GRM5: variants seen among roughly 807,000 people sequenced by gnomAD.
GRM5 encodes the protein glutamate metabotropic receptor 5, also known as metabotropic glutamate receptor 5.
In GRM5, 19 loss-of-function variants were observed where a neutral mutation model predicts 83.1. The ratio of observed to expected loss-of-function variants is 0.23; its 90% CI spans 0.16 to 0.34. GRM5 has a LOEUF of 0.34. Among genes scored for constraint, GRM5 ranks in the 10% least tolerant of loss-of-function variants. GRM5 has a pLI of 1.00. For synonymous variants in GRM5, 675 were observed against 633.6 expected, an observed-to-expected ratio of 1.07 and a Z score of -0.98; for missense variants, 1,160 against 1,588.3, an observed-to-expected ratio of 0.73 and a Z score of 4.58.
At chr11:88,984,847 A>G (rs1221809038) in intron 2 of GRM5, 1 of 722,590 alleles carries the variant, frequency 1.4e-6, no homozygotes, top group South Asian at 1.5e-5. Flanking sequence ...CATTCCATCT[A>G]ATTTCTTCAA....
At chr11:88,586,764 C>T (rs1237428715) in intron 7 of GRM5, among the ~76,000 whole-genome samples, 1 of 152,114 alleles carries the variant, frequency 6.6e-6, no homozygotes, top group East Asian at 1.9e-4. Flanking sequence ...AATATCAATG[C>T]AAAGGCATTT....
intron 7 of GRM5, among the ~76,000 whole-genome samples, chr11:88,579,084 T>C (rs1943173516): frequency 6.6e-6 from 1 of 152,142 alleles, no homozygotes; most frequent in African/African-American, 2.4e-5. Context: ...AAAATGGAAA[T>C]CATGATTCCA....
At chr11:88,851,271 T>A (rs1565261360) in intron 2 of GRM5, among the ~76,000 whole-genome samples, 1 of 152,138 alleles carries the variant, frequency 6.6e-6, no homozygotes, top group Non-Finnish European at 1.5e-5. Flanking sequence ...ATATTAGATA[T>A]ATAAGGGGGA....
intron 8 of GRM5, among the ~76,000 whole-genome samples, chr11:88,550,958 A>T (rs1245650587): frequency 3.3e-5 from 5 of 152,066 alleles, no homozygotes; most frequent in African/African-American, 1.2e-4. Context: ...ATTTAACCTC[A>T]CATGTCTCAA....
In GRM5 at chr11:88,653,421, A is replaced by T. The variant is rs200840708; in HGVS notation, c.912-18T>A. 3.8e-5 allele frequency: 59 copies of T among 1,550,066 alleles called. No homozygotes were observed. The highest frequency in any genetic ancestry group is 5.2e-5 in the Non-Finnish European group (58 of 1,123,466). ...AGCCATCACTGTGGGGAAATAAAAA[A>T]ACCCTCAGCTTAGAACAGATATCTC... On this transcript the variant is annotated intron_variant, in intron 3 of 9. Coordinates refer to ENST00000305447, the MANE Select transcript of GRM5 (RefSeq NM_001143831.3).
At chr11:88,892,150 A>T (rs955416854) in intron 2 of GRM5, among the ~76,000 whole-genome samples, 1 of 86,250 alleles carries the variant, frequency 1.2e-5, no homozygotes, top group African/African-American at 4.1e-5. Context: ...CAGTGCCACA[A>T]GAAGTCTTTT....
chr11:88,681,249 G>C (rs1456650091), intron 3 of GRM5, among the ~76,000 whole-genome samples: 3 of 151,822 alleles, frequency 2.0e-5, no homozygotes, highest in African/African-American at 7.3e-5. Flanking sequence ...CTCTCTTTCT[G>C]TTTACTTTCA....
chr11:89,031,654 A>G (rs1391823619), intron 2 of GRM5, among the ~76,000 whole-genome samples: 2 of 152,050 alleles, frequency 1.3e-5, no homozygotes, highest in Non-Finnish European at 2.9e-5. Flanking sequence ...TGTGCATAAG[A>G]TAATTAGAAA....
chr11:88,654,193 AG>A (rs762999490), intron 3 of GRM5, among the ~76,000 whole-genome samples: 11 of 152,164 alleles, frequency 7.2e-5, no homozygotes, highest in Non-Finnish European at 1.0e-4. Context: ...TTAAGATAAA[AG>A]TTTTTGAAAT....
At chr11:88,736,008 G>T (rs1941906411) in intron 3 of GRM5, among the ~76,000 whole-genome samples, 1 of 151,980 alleles carries the variant, frequency 6.6e-6, no homozygotes, top group South Asian at 2.1e-4. Flanking sequence ...ACACTTCTGA[G>T]CACTCTCGAA....
intron 3 of GRM5, among the ~76,000 whole-genome samples, chr11:88,768,712 T>C (rs1000935714): frequency 1.3e-5 from 2 of 151,204 alleles, no homozygotes; most frequent in African/African-American, 2.4e-5. Context: ...AGAGAGTGAA[T>C]GGGGAGAGAG....
chr11:88,845,481 T>A lies in GRM5; in HGVS notation c.911+4425A>T, dbSNP rs548703178. Among the ~76,000 whole-genome samples the A allele has an allele frequency of 8.8e-5, 12 of 136,062 alleles. No homozygotes were observed. The South Asian group carries it at 3.2e-3, about 36-fold the overall frequency. 89.3% of individuals were successfully genotyped at this position (136,062 alleles called of 152,430 possible). A position where few individuals can be genotyped will look rare whatever the true frequency, so the allele number is the denominator to read the frequency against. ...CAGAGTCTCGCTCTGTCGCCCAGGCTGCAGGACAGTGGCGCAATCTGAGTT... is the reference window on the plus strand; with the variant it reads ...CAGAGTCTCGCTCTGTCGCCCAGGCAGCAGGACAGTGGCGCAATCTGAGTT... On this transcript the variant is annotated intron_variant, in intron 3 of 9. Transcript: ENST00000305447.
At chr11:88,647,028 C>T (rs80075470) in intron 4 of GRM5, among the ~76,000 whole-genome samples, 1 of 152,006 alleles carries the variant, frequency 6.6e-6, no homozygotes, top group African/African-American at 2.4e-5. Flanking sequence ...TAGAATTCTT[C>T]CTAACTTCTG....
At chr11:88,688,998 G>A (rs1377255344) in intron 3 of GRM5, among the ~76,000 whole-genome samples, 2 of 151,932 alleles carry the variant, frequency 1.3e-5, no homozygotes, top group African/African-American at 4.8e-5. Flanking sequence ...CGAAATGAAA[G>A]GGGTCATTGT....
chr11:88,739,226 T>G (rs887855433), intron 3 of GRM5, among the ~76,000 whole-genome samples: 1 of 152,054 alleles, frequency 6.6e-6, no homozygotes, highest in Non-Finnish European at 1.5e-5. Flanking sequence ...AAAATCTCAC[T>G]AATGCGTAAT....
At position 88,536,202 on chromosome 11, in the gene GRM5, T is replaced by C. The variant is rs548523167; in HGVS notation, c.2631-10798A>G. Among the ~76,000 whole-genome samples, 4 of 152,168 alleles carry C rather than the reference T, an allele frequency of 2.6e-5. 1 individual carries two copies. The highest frequency in any genetic ancestry group is 9.6e-5 in the African/African-American group (4 of 41,566). On this transcript the variant is annotated intron_variant, in intron 8 of 9. Coordinates refer to ENST00000305447, the MANE Select transcript of GRM5 (RefSeq NM_001143831.3). ...GCTTTTGTTCACATATATTGAAGAA[T>C]TGGCATGGGCTTATACATATTTAAC... is the stretch of plus-strand genomic sequence containing the variant.
chr11:88,640,828 C>T (rs57637071), intron 4 of GRM5, among the ~76,000 whole-genome samples: 12,033 of 152,202 alleles, frequency 0.079, 1,114 homozygotes, highest in African/African-American at 0.23. Flanking sequence ...GTGCATCATC[C>T]TCAGGAACCT....
At chr11:88,735,451 T>C (rs924607214) in intron 3 of GRM5, among the ~76,000 whole-genome samples, 2 of 152,054 alleles carry the variant, frequency 1.3e-5, no homozygotes, top group African/African-American at 4.8e-5. Context: ...CTTTGCCAAC[T>C]TTCTCTCCAC....
chr11:88,639,913 G>C (rs1939244363), intron 4 of GRM5, among the ~76,000 whole-genome samples: 1 of 152,080 alleles, frequency 6.6e-6, no homozygotes, highest in Non-Finnish European at 1.5e-5. Flanking sequence ...AGTATTTTTT[G>C]ACAGTGGATA....
Sources: allele counts gnomAD v4.1 joint callset (sites outside exome capture counted in the v4.1 genomes callset), GRCh38; gene constraint gnomAD v4.1.1; transcripts MANE v1.5; gene names NCBI Gene and HGNC (gene_info 2026-07-23, HGNC 2026-07-21).